Variants in METTL15 observed in about 807,000 individuals in gnomAD.
METTL15 encodes methyltransferase 15, mitochondrial 12S rRNA N4-cytidine.
METTL15 carries 34 observed loss-of-function variants against 38.3 expected under a neutral mutation model. The observed-to-expected ratio is 0.89, with a 90% CI of 0.68 to 1.18. METTL15 has a LOEUF of 1.18. Among genes scored for constraint, METTL15 ranks in the 50% most tolerant of loss-of-function variants. The pLI, the probability that METTL15 is intolerant of heterozygous loss-of-function variation, is 0.00. For missense variants in METTL15, 438 were observed against 498.4 expected (o/e 0.88, Z 1.15); for synonymous variants, 162 against 170.9 (o/e 0.95, Z 0.41).
chr11:28,190,663 T>C (rs1338688638), intron 3 of METTL15, among the ~76,000 whole-genome samples: 1 of 151,168 alleles, frequency 6.6e-6, no homozygotes, highest in Non-Finnish European at 1.5e-5. Flanking sequence ...ATAAAAAGCT[T>C]AGTATGATGC....
chr11:28,292,570 A>G (rs915066252), intron 5 of METTL15, among the ~76,000 whole-genome samples: 7 of 152,160 alleles, frequency 4.6e-5, no homozygotes, highest in African/African-American at 1.7e-4. Context: ...TTGGGTATAT[A>G]CCCAGTAATG....
At chr11:28,429,183 C>T (rs569506731) in intron 6 of METTL15, among the ~76,000 whole-genome samples, 3 of 152,232 alleles carry the variant, frequency 2.0e-5, no homozygotes, top group South Asian at 4.2e-4. Flanking sequence ...TTTATTTTGC[C>T]ATCACCCAAA....
At chr11:28,290,488 C>T in intron 5 of METTL15, 91 bp downstream of exon 5, 1 of 1,160,394 alleles carries the variant, frequency 8.6e-7, no homozygotes. Flanking sequence ...ACAGAATTTC[C>T]ATTACATGCC....
At chr11:28,284,584 C>T (rs1282315198) in intron 4 of METTL15, among the ~76,000 whole-genome samples, 5 of 152,086 alleles carry the variant, frequency 3.3e-5, no homozygotes, top group Admixed American at 6.6e-5. Context: ...CAAAACTGCC[C>T]AAGTACAGTA....
At chr11:28,447,190 C>G (rs1054116300) in intron 6 of METTL15, among the ~76,000 whole-genome samples, 1 of 152,114 alleles carries the variant, frequency 6.6e-6, no homozygotes, top group Non-Finnish European at 1.5e-5. Context: ...CTTTGAGCAT[C>G]TTAGGCTGTT....
intron 3 of METTL15, among the ~76,000 whole-genome samples, chr11:28,209,857 A>C (rs1383100390): frequency 1.3e-5 from 2 of 152,040 alleles, no homozygotes; most frequent in African/African-American, 2.4e-5. Context: ...TACTATGCAC[A>C]TGAACTTTAA....
At chr11:28,113,722 T>G in intron 3 of METTL15, 118 bp downstream of exon 3, 1 of 1,060,566 alleles carries the variant, frequency 9.4e-7, no homozygotes. Flanking sequence ...GAATCCCAAC[T>G]TTTGATGGTT....
intron 6 of METTL15, among the ~76,000 whole-genome samples, chr11:28,524,366 A>G (rs186960095): frequency 3.9e-4 from 59 of 152,338 alleles, no homozygotes; most frequent in Non-Finnish European, 3.5e-4. Context: ...GATATCATCT[A>G]TTAATGTGAA....
rs193215641 is a variant in METTL15 at position 28,510,066 on chromosome 11, C to G, written c.*425-16412C>G. ...GCTCCGAGGCCCTTGGGATGTAACA[C>G]TGAAGTGCTATGCAGGCCAGAGCTT... On this transcript the variant is annotated intron_variant and NMD_transcript_variant, in intron 6 of 7. Coordinates refer to the METTL15 transcript ENST00000532947. Among the ~76,000 whole-genome samples, 16 of 152,242 alleles carry G rather than the reference C, an allele frequency of 1.1e-4. 1 individual carries two copies. In the East Asian group the frequency reaches 3.1e-3, roughly 29 times the overall value.
chr11:28,225,309 T>A (rs562855908), intron 4 of METTL15, among the ~76,000 whole-genome samples: 2 of 152,008 alleles, frequency 1.3e-5, no homozygotes, highest in East Asian at 3.9e-4. Flanking sequence ...CCATTTTGCG[T>A]TCCTTATGTG....
At chr11:28,531,788 G>A (rs965821547), downstream of METTL15, among the ~76,000 whole-genome samples, 1 of 151,922 alleles carries the variant, frequency 6.6e-6, no homozygotes, top group African/African-American at 2.4e-5. Context: ...TTAGTTTCCA[G>A]GTAAACAGAT....
intron 3 of METTL15, among the ~76,000 whole-genome samples, chr11:28,186,363 A>G (rs1373718370): frequency 1.3e-5 from 2 of 151,312 alleles, no homozygotes; most frequent in Non-Finnish European, 3.0e-5. Context: ...TTAGTCAACA[A>G]AAAATGATTT....
intron 3 of METTL15, among the ~76,000 whole-genome samples, chr11:28,170,264 C>G (rs935784503): frequency 6.6e-6 from 1 of 152,104 alleles, no homozygotes; most frequent in Non-Finnish European, 1.5e-5. Context: ...TCTGCTGTGC[C>G]TGGTAACCTA....
At chr11:28,341,303 C>A (rs773032069) in intron 3 of METTL15, among the ~76,000 whole-genome samples, 7 of 152,082 alleles carry the variant, frequency 4.6e-5, no homozygotes, top group Non-Finnish European at 7.4e-5. Flanking sequence ...TATCTCAAAA[C>A]TTAAAGTATA....
chr11:28,205,151 A>G (rs973498957), intron 3 of METTL15, among the ~76,000 whole-genome samples: 9 of 151,906 alleles, frequency 5.9e-5, no homozygotes, highest in African/African-American at 2.2e-4. Context: ...ACATGTGCAC[A>G]ATGTGCAGGT....
chr11:28,157,751 T>G (rs116602130), intron 3 of METTL15, among the ~76,000 whole-genome samples: 133 of 152,226 alleles, frequency 8.7e-4, no homozygotes, highest in Middle Eastern at 6.8e-3. Context: ...CATGAGGAAG[T>G]GGCGCAAATG....
intron 3 of METTL15, among the ~76,000 whole-genome samples, chr11:28,168,094 T>C (rs778838114): frequency 6.6e-6 from 1 of 152,116 alleles, no homozygotes; most frequent in South Asian, 2.1e-4. Flanking sequence ...AGTTTTTTAC[T>C]TTCTTTTTCT....
intron 6 of METTL15, among the ~76,000 whole-genome samples, chr11:28,522,156 G>A (rs188701475): frequency 1.3e-5 from 2 of 152,250 alleles, no homozygotes; most frequent in East Asian, 3.9e-4. Flanking sequence ...TCTGGAGCCA[G>A]CCCTCCCTTC....
At position 28,109,275 on chromosome 11, in the gene METTL15, AT is replaced by A. The variant is rs1027532836; in HGVS notation, c.-254+828del. The stretch of plus-strand genomic sequence containing the variant: ...CAGAGGATCAATAAAGCTACTACTT[AT>A]TTTTGGCTGTATTACGTGTATCTTA... On this transcript the variant is annotated intron_variant, in intron 1 of 6. Coordinates refer to ENST00000407364, the MANE Select transcript of METTL15 (RefSeq NM_001113528.2). 1.4e-3 allele frequency among the ~76,000 whole-genome samples: 218 copies of A among 152,276 alleles called. 1 individual carries two copies. The highest frequency in any genetic ancestry group is 5.0e-3 in the African/African-American group (207 of 41,546).
Sources: gnomAD v4.1 joint callset for allele counts (sites outside exome capture counted in the v4.1 genomes callset) on GRCh38, gnomAD v4.1.1 for gene constraint, MANE v1.5 for transcripts, NCBI Gene and HGNC (gene_info 2026-07-23, HGNC 2026-07-21) for gene names.